Variants in SLC46A3 observed in about 807,000 individuals in gnomAD.
The protein encoded by SLC46A3 is lysosomal proton-coupled steroid conjugate and bile acid symporter SLC46A3.
Under a neutral mutation model 38.5 loss-of-function variants are expected in SLC46A3, and 26 were observed. The observed-to-expected ratio is 0.68, with a 90% confidence interval of 0.49 to 0.94. The LOEUF (loss-of-function observed/expected upper bound fraction) is 0.94, where lower values mean the gene tolerates loss of function less well. Among genes scored for constraint, SLC46A3 ranks in the 40% least tolerant of loss-of-function variants. The pLI is 0.00. For synonymous variants in SLC46A3, 185 were observed against 192.5 expected (o/e 0.96, Z 0.32); for missense variants, 510 against 544.3 (o/e 0.94, Z 0.63).
chr13:28,707,150 CA>C, intron 4 of SLC46A3, among the ~76,000 whole-genome samples: 1 of 152,050 alleles, frequency 6.6e-6, no homozygotes, highest in Admixed American at 6.5e-5. Flanking sequence ...GGAACCAACC[CA>C]AATGTCCATC....
intron 4 of SLC46A3, among the ~76,000 whole-genome samples, chr13:28,707,254 C>A (rs1334616833): frequency 1.3e-5 from 2 of 151,786 alleles, no homozygotes; most frequent in Non-Finnish European, 2.9e-5. Flanking sequence ...TTCGTAGGGA[C>A]ATGGATGAAG....
At position 28,717,930 on chromosome 13, in the gene SLC46A3, C is replaced by T. The variant is rs1351658530; in HGVS notation, c.69G>A (p.Leu23=). The T allele has an allele frequency of 4.3e-6, 7 of 1,614,084 alleles. No homozygotes were observed. The highest frequency in any genetic ancestry group is 5.9e-6 in the Non-Finnish European group (7 of 1,180,026). ...SAFAMTLTGP[L]TTQYVYRRIW... ...TTCTCCGATAAACATATTGCGTTGT[C>T]AGTGGACCGGTCAAAGTCATAGCAA... is the stretch of plus-strand genomic sequence containing the variant. Residue 23 remains leucine (L), a synonymous_variant, in exon 2 of 6, where the codon CTG becomes CTA. Coordinates refer to ENST00000266943, the MANE Select transcript of SLC46A3 (RefSeq NM_181785.4).
intron 4 of SLC46A3, among the ~76,000 whole-genome samples, chr13:28,706,225 T>G (rs1885171322): frequency 6.6e-6 from 1 of 152,166 alleles, no homozygotes; most frequent in African/African-American, 2.4e-5. Flanking sequence ...GCGCAGAGAT[T>G]GCAAAATAAT....
At position 28,718,678 on chromosome 13, in the gene SLC46A3, C is replaced by A. The variant is rs1355357695; in HGVS notation, c.-207G>T. Reference sequence around the variant, plus strand: ...GGCCGGCGCTGGGGTGGGGAGAGTACTTTCCCGTCGAACTCGACCAAATTA... The same window carrying A: ...GGCCGGCGCTGGGGTGGGGAGAGTAATTTCCCGTCGAACTCGACCAAATTA... On this transcript the variant is annotated 5_prime_UTR_variant, in exon 1 of 6. Transcript: ENST00000266943. 1 of 152,280 alleles carries A rather than the reference C, an allele frequency of 6.6e-6. No homozygotes were observed. The highest frequency in any genetic ancestry group is 2.4e-5 in the African/African-American group (1 of 41,452). The allele number at this position is 152,280 out of a possible 1,614,324, so 9.4% of individuals were successfully genotyped here. A position where few individuals can be genotyped will look rare whatever the true frequency, so the allele number is the denominator to read the frequency against.
chr13:28,704,219 G>T, intron 4 of SLC46A3, 120 bp from the exon 5 acceptor site: 1 of 890,078 alleles, frequency 1.1e-6, no homozygotes, highest in Non-Finnish European at 1.7e-6. Flanking sequence ...GGCACTGCTG[G>T]GTGAATGAAA....
chr13:28,712,676 T>C lies in SLC46A3; in HGVS notation c.1060+4A>G. 1 of 1,562,228 alleles carries C rather than the reference T, an allele frequency of 6.4e-7. No individual in the cohort carries two copies. The highest frequency in any genetic ancestry group is 8.6e-7 in the Non-Finnish European group (1 of 1,162,352). ...TTAGTTCTAAAGCTACACTTGGAAC[T>C]CACCTAAAAACATCATCAGTGTTGT... is the stretch of plus-strand genomic sequence containing the variant. On this transcript the variant is annotated splice_donor_region_variant and intron_variant, in intron 3 of 5. Transcript: ENST00000266943.
rs370729325 is a variant in SLC46A3 at position 28,713,416 on chromosome 13, G to C, written c.324C>G (p.Ser108=). 9.9e-6 allele frequency: 16 copies of C among 1,613,880 alleles called. No individual in the cohort carries two copies. In the African/African-American group the frequency reaches 2.0e-4, roughly 20 times the overall value. ...AAACGCTGGTTGCAAGAGCACCAAC[G>C]GAAGACAAAATCATAGGGAATTTTC... ...YGRKFPMILS[S]VGALATSVWL... is the part of the protein sequence containing the mutation. Residue 108 remains serine (S), a synonymous_variant, in exon 3 of 6, where the codon TCC becomes TCG. Coordinates refer to ENST00000266943, the MANE Select transcript of SLC46A3 (RefSeq NM_181785.4).
At chr13:28,706,616 T>C (rs1885179683) in intron 4 of SLC46A3, among the ~76,000 whole-genome samples, 1 of 152,212 alleles carries the variant, frequency 6.6e-6, no homozygotes, top group African/African-American at 2.4e-5. Context: ...CTCCCTCTGT[T>C]GCCCACACTG....
rs1885573797 is a variant in SLC46A3, at chr13:28,717,793, A to C, written c.189+17T>G. On this transcript the variant is annotated intron_variant, in intron 2 of 5. Coordinates refer to ENST00000266943, the MANE Select transcript of SLC46A3 (RefSeq NM_181785.4). Reference sequence around the variant, plus strand: ...ATTCCCATTTTATTAAATACTATGGATATTGTAATTTCTTACCTCCTGGAA... The same window carrying C: ...ATTCCCATTTTATTAAATACTATGGCTATTGTAATTTCTTACCTCCTGGAA... 8 of 1,607,586 alleles carry C rather than the reference A, an allele frequency of 5.0e-6. No individual in the cohort carries two copies. Among genetic ancestry groups the C allele is most frequent in the Non-Finnish European group, 5.1e-6 (6 of 1,175,968 alleles).
At position 28,704,013 on chromosome 13, in the gene SLC46A3, C is replaced by G. The variant is rs777398801; in HGVS notation, c.1231G>C (p.Val411Leu). 1.2e-6 allele frequency: 2 copies of G among 1,613,680 alleles called. No individual in the cohort carries two copies. The highest frequency in any genetic ancestry group is 8.5e-7 in the Non-Finnish European group (1 of 1,179,854). ...STFNGIYSAT[V>L]AWYPGFTFLL... The stretch of plus-strand genomic sequence containing the variant: ...AAAGTGAAGCCAGGGTACCAAGCAA[C>G]AGTGGCTGAGTAAATTCCATTAAAA... The change falls in exon 5 of 6, where the codon GTT (valine) becomes CTT (leucine). Residue 411 changes from valine (V) to leucine (L), a missense_variant. Val to Leu is a conservative substitution (Grantham distance 32). Transcript: ENST00000266943.
At chr13:28,717,724 G>A in intron 2 of SLC46A3, 86 bp downstream of exon 2, 2 of 1,342,588 alleles carry the variant, frequency 1.5e-6, no homozygotes, top group Non-Finnish European at 2.1e-6. Flanking sequence ...AGAGACCAAT[G>A]GATGATGAGT....
At chr13:28,710,533 C>T (rs1245858730) in intron 4 of SLC46A3, among the ~76,000 whole-genome samples, 2 of 152,184 alleles carry the variant, frequency 1.3e-5, no homozygotes, top group Admixed American at 6.5e-5. Flanking sequence ...CTTCTTAGGG[C>T]GGGGCACGGC....
chr13:28,705,881 A>G (rs1885161365), intron 4 of SLC46A3, among the ~76,000 whole-genome samples: 1 of 152,190 alleles, frequency 6.6e-6, no homozygotes, highest in Non-Finnish European at 1.5e-5. Context: ...TACTAGTTCT[A>G]TTATGTAAGA....
At chr13:28,708,788 CAT>C (rs1885255308) in intron 4 of SLC46A3, among the ~76,000 whole-genome samples, 2 of 151,874 alleles carry the variant, frequency 1.3e-5, no homozygotes, top group African/African-American at 2.4e-5. Context: ...TCCTTTGAAA[CAT>C]AAAAATTTTT....
chr13:28,716,771 A>G (rs1336779287), intron 2 of SLC46A3, among the ~76,000 whole-genome samples: 1 of 152,178 alleles, frequency 6.6e-6, no homozygotes, highest in East Asian at 1.9e-4. Context: ...CACCTCGGGA[A>G]GTGCTAGAAC....
At chr13:28,712,384 T>C (rs1047401574) in intron 3 of SLC46A3, among the ~76,000 whole-genome samples, 1 of 152,224 alleles carries the variant, frequency 6.6e-6, no homozygotes, top group Non-Finnish European at 1.5e-5. Context: ...TTTTAAGAAA[T>C]CTTCACTTTA....
chr13:28,701,472 T>C lies in SLC46A3; in HGVS notation c.*25A>G, dbSNP rs370303783. 1.9e-6 allele frequency: 3 copies of C among 1,601,374 alleles called. No homozygotes were observed. The African/African-American group carries it at 4.0e-5, about 22-fold the overall frequency. On this transcript the variant is annotated 3_prime_UTR_variant, in exon 6 of 6. Coordinates refer to ENST00000266943, the MANE Select transcript of SLC46A3 (RefSeq NM_181785.4). ...GGTATATGATATGTGCATTCATAGA[T>C]TTTTTTTGTTTGTTTAAATCACAGT...
chr13:28,717,821 C>A lies in SLC46A3; in HGVS notation c.178G>T (p.Ala60Ser). 1 of 1,612,978 alleles carries A rather than the reference C, an allele frequency of 6.2e-7. No individual in the cohort carries two copies. Among genetic ancestry groups the A allele is most frequent in the Non-Finnish European group, 8.5e-7 (1 of 1,179,734 alleles). The change falls in exon 2 of 6, where the codon GCA becomes TCA. Residue 60 changes from alanine to serine, a missense_variant. Coordinates refer to ENST00000266943, the MANE Select transcript of SLC46A3 (RefSeq NM_181785.4). ...TTGTAATTTCTTACCTCCTGGAATG[C>A]AAAAATTGGGCTGCTTTTGTTTTTT... Reference protein sequence around the residue: ...CEKNKSSPIFAFQEEVQKKVS... With the variant: ...CEKNKSSPIFSFQEEVQKKVS...
chr13:28,704,120 GA>G, intron 4 of SLC46A3, 21 bp from the exon 5 acceptor site: 2 of 1,540,368 alleles, frequency 1.3e-6, no homozygotes, highest in Non-Finnish European at 1.7e-6. Context: ...TAGGGATAGA[GA>G]GAGAGGAAAA....
Sources: allele counts gnomAD v4.1 joint callset (sites outside exome capture counted in the v4.1 genomes callset), GRCh38; gene constraint gnomAD v4.1.1; transcripts MANE v1.5; gene names NCBI Gene and HGNC (gene_info 2026-07-23, HGNC 2026-07-21).